UNC13C: variants seen among roughly 807,000 people sequenced by gnomAD.
UNC13C encodes the protein protein unc-13 homolog C.
A neutral mutation model predicts 245.4 loss-of-function variants in UNC13C; 174 were observed. That is an observed-to-expected ratio of 0.71 (90% CI 0.63 to 0.80). The LOEUF (loss-of-function observed/expected upper bound fraction) is 0.80, where lower values mean the gene tolerates loss of function less well. Ranked by LOEUF, UNC13C falls within the 30% of genes least tolerant of loss-of-function variation. The pLI, the probability that UNC13C is intolerant of heterozygous loss-of-function variation, is 0.00. For missense variants in UNC13C, 2,829 were observed against 2,602.9 expected (o/e 1.09, Z -1.89); for synonymous variants, 992 against 895.1 (o/e 1.11, Z -1.93).
At chr15:54,345,565 C>T (rs771730151) in intron 17 of UNC13C, among the ~76,000 whole-genome samples, 8 of 152,156 alleles carry the variant, frequency 5.3e-5, no homozygotes, top group Non-Finnish European at 1.0e-4. Context: ...TAGTCAGCCT[C>T]GGACTTTGGG....
intron 19 of UNC13C, among the ~76,000 whole-genome samples, chr15:54,487,375 C>G (rs1050605272): frequency 6.6e-6 from 1 of 152,064 alleles, no homozygotes; most frequent in African/African-American, 2.4e-5. Flanking sequence ...GATTTAATAA[C>G]AGAAATGTGT....
chr15:53,885,735 T>A, the UNC13C span, among the ~76,000 whole-genome samples: 1 of 152,124 alleles, frequency 6.6e-6, no homozygotes, highest in Non-Finnish European at 1.5e-5. Flanking sequence ...TTTCTGCCCC[T>A]ACAAAAGAGA....
chr15:54,280,687 TATAA>T (rs2036960224), intron 10 of UNC13C, among the ~76,000 whole-genome samples: 2 of 87,840 alleles, frequency 2.3e-5, no homozygotes, highest in African/African-American at 7.6e-5. Context: ...TATATACATA[TATAA>T]ACATATGTAT....
intron 2 of UNC13C, among the ~76,000 whole-genome samples, chr15:54,097,868 G>A (rs929491947): frequency 1.3e-5 from 2 of 152,098 alleles, no homozygotes; most frequent in Non-Finnish European, 2.9e-5. Context: ...TATTGTGATG[G>A]GAACAACACT....
intron 19 of UNC13C, among the ~76,000 whole-genome samples, chr15:54,440,348 A>G (rs909666127): frequency 1.3e-5 from 2 of 151,770 alleles, no homozygotes; most frequent in East Asian, 1.9e-4. Flanking sequence ...ACAAACAAAT[A>G]CTCTCTAATG....
intron 4 of UNC13C, among the ~76,000 whole-genome samples, chr15:54,226,228 A>C (rs1192531313): frequency 6.6e-6 from 1 of 152,202 alleles, no homozygotes; most frequent in African/African-American, 2.4e-5. Flanking sequence ...GGATTTTTGC[A>C]TCAACGCTCA....
At chr15:54,090,513 A>G (rs1157844077) in intron 2 of UNC13C, among the ~76,000 whole-genome samples, 2 of 152,208 alleles carry the variant, frequency 1.3e-5, no homozygotes, top group African/African-American at 4.8e-5. Flanking sequence ...AGAAAAGTTA[A>G]GTGACTACTT....
At chr15:53,954,726 G>T in the UNC13C span, among the ~76,000 whole-genome samples, 3 of 152,148 alleles carry the variant, frequency 2.0e-5, no homozygotes, top group African/African-American at 7.2e-5. Flanking sequence ...AAGAAATAGT[G>T]ATTTCCCTTA....
chr15:54,062,034 C>T (rs1193457674), intron 2 of UNC13C, among the ~76,000 whole-genome samples: 1 of 152,128 alleles, frequency 6.6e-6, no homozygotes, highest in Middle Eastern at 3.4e-3. Context: ...GAATCTCCAT[C>T]CTCAGTCGGG....
Position 54,237,702 on chromosome 15 carries a change from A to T in UNC13C, c.3228+12A>T. 2 of 1,589,176 alleles carry T rather than the reference A, an allele frequency of 1.3e-6. No homozygotes were observed. Among genetic ancestry groups the T allele is most frequent in the Middle Eastern group, 1.7e-4 (1 of 6,022 alleles). ...ATAATGAGGAACTGGTAAGTACTAGATATTGCTCATAATATCTAACTAGAT... is the reference window on the plus strand; with the variant it reads ...ATAATGAGGAACTGGTAAGTACTAGTTATTGCTCATAATATCTAACTAGAT... On this transcript the variant is annotated intron_variant, in intron 7 of 32. Coordinates refer to ENST00000260323, the MANE Select transcript of UNC13C (RefSeq NM_001080534.3).
intron 19 of UNC13C, among the ~76,000 whole-genome samples, chr15:54,448,250 G>A (rs946433132): frequency 3.9e-5 from 6 of 152,198 alleles, no homozygotes; most frequent in Admixed American, 2.6e-4. Context: ...TGTATATTCT[G>A]TTGATTTGGG....
the UNC13C span, among the ~76,000 whole-genome samples, chr15:53,872,147 T>C: frequency 2.0e-5 from 3 of 152,186 alleles, no homozygotes; most frequent in African/African-American, 7.2e-5. Context: ...CTTACCGCCT[T>C]TGTTTCACAT....
chr15:53,955,226 C>T, the UNC13C span, among the ~76,000 whole-genome samples: 2 of 151,606 alleles, frequency 1.3e-5, no homozygotes, highest in Non-Finnish European at 2.9e-5. Flanking sequence ...AAGATTTCCA[C>T]TTCCTTTTGT....
the UNC13C span, among the ~76,000 whole-genome samples, chr15:53,908,731 GA>G: frequency 0.064 from 6,211 of 96,398 alleles, 718 homozygotes; most frequent in African/African-American, 0.21. Flanking sequence ...CAGTCTGGGT[GA>G]CAGAATGAGA....
At chr15:54,101,462 G>T (rs1900159451) in intron 2 of UNC13C, among the ~76,000 whole-genome samples, 2 of 152,080 alleles carry the variant, frequency 1.3e-5, no homozygotes, top group Admixed American at 6.6e-5. Flanking sequence ...AAAGAACCTA[G>T]TTTTTTACTA....
intron 2 of UNC13C, among the ~76,000 whole-genome samples, chr15:54,056,184 C>T (rs986903001): frequency 2.0e-5 from 3 of 151,896 alleles, no homozygotes; most frequent in African/African-American, 7.3e-5. Context: ...GAAGTTTGAA[C>T]CAATGGCAAA....
At chr15:53,956,135 T>A in the UNC13C span, among the ~76,000 whole-genome samples, 1 of 152,078 alleles carries the variant, frequency 6.6e-6, no homozygotes, top group Non-Finnish European at 1.5e-5. Flanking sequence ...TGGGTACTCA[T>A]GGACAAACAA....
the UNC13C span, among the ~76,000 whole-genome samples, chr15:53,899,082 T>C: frequency 6.6e-6 from 1 of 152,096 alleles, no homozygotes; most frequent in Non-Finnish European, 1.5e-5. Context: ...CCTTAAAGAC[T>C]CAGATTAATG....
chr15:54,002,507 T>G (rs1009649909), intron 1 of UNC13C, among the ~76,000 whole-genome samples: 3 of 152,144 alleles, frequency 2.0e-5, no homozygotes, highest in Admixed American at 6.5e-5. Context: ...AGGTAATTTG[T>G]TCAAATAGGA....
Sources: gnomAD v4.1 joint callset for allele counts (sites outside exome capture counted in the v4.1 genomes callset) on GRCh38, gnomAD v4.1.1 for gene constraint, MANE v1.5 for transcripts, NCBI Gene and HGNC (gene_info 2026-07-23, HGNC 2026-07-21) for gene names.